The following COLEC12 variants were observed in gnomAD, a reference collection of about 807,000 sequenced individuals.
COLEC12 encodes the protein collectin-12.
COLEC12 carries 33 observed loss-of-function variants against 71.1 expected under a neutral mutation model. The ratio of observed to expected loss-of-function variants is 0.46; its 90% CI spans 0.35 to 0.62. The LOEUF is 0.62. Ranked by LOEUF, COLEC12 falls within the 20% of genes least tolerant of loss-of-function variation. COLEC12 has a pLI of 0.00. For missense variants in COLEC12, 765 were observed against 916.1 expected (o/e 0.84, Z 2.13); for synonymous variants, 350 against 353.0 (o/e 0.99, Z 0.10).
intron 2 of COLEC12, 106 bp from the exon 3 acceptor site, chr18:357,628 A>G: frequency 2.3e-6 from 2 of 855,322 alleles, no homozygotes; most frequent in Non-Finnish European, 3.6e-6. Flanking sequence ...ATTTTTACAA[A>G]TGCCTTACTA....
Position 488,881 on chromosome 18 carries a change from G to A in COLEC12, c.8-8124C>T, listed in dbSNP as rs200446865. Reference sequence around the variant, plus strand: ...GAGCAAGACTCTGTTTCAAAAAAAAGAAAAAAAAAAGAAAAGAAAATCAAT... The same window carrying A: ...GAGCAAGACTCTGTTTCAAAAAAAAAAAAAAAAAAAGAAAAGAAAATCAAT... On this transcript the variant is annotated intron_variant, in intron 1 of 9. Transcript: ENST00000400256. Among the ~76,000 whole-genome samples the A allele has an allele frequency of 9.4e-4, 134 of 142,176 alleles. 2 individuals carry two copies. Among genetic ancestry groups the A allele is most frequent in the African/African-American group, 3.2e-3 (122 of 38,476 alleles). The allele number at this position is 142,176 out of a possible 152,430, so 93.3% of individuals were successfully genotyped here.
intron 2 of COLEC12, among the ~76,000 whole-genome samples, chr18:403,868 T>A (rs1915734951): frequency 6.6e-6 from 1 of 152,236 alleles, no homozygotes; most frequent in African/African-American, 2.4e-5. Context: ...TTGCCATTTG[T>A]TCTCATACCT....
At chr18:465,311 C>A (rs1917063941) in intron 2 of COLEC12, among the ~76,000 whole-genome samples, 1 of 152,128 alleles carries the variant, frequency 6.6e-6, no homozygotes, top group South Asian at 2.1e-4. Context: ...CAATGTTGGC[C>A]AGGCTGGTCT....
At chr18:496,290 T>C (rs1418576922) in intron 1 of COLEC12, among the ~76,000 whole-genome samples, 1 of 152,152 alleles carries the variant, frequency 6.6e-6, no homozygotes, top group African/African-American at 2.4e-5. Flanking sequence ...GTTGGAGCCA[T>C]TGGAACAACC....
chr18:465,384 G>A (rs1030428471), intron 2 of COLEC12, among the ~76,000 whole-genome samples: 7 of 152,188 alleles, frequency 4.6e-5, no homozygotes, highest in African/African-American at 1.7e-4. Flanking sequence ...TTACAGGCAT[G>A]AGCCACTGCA....
chr18:409,820 C>T (rs1037959245), intron 2 of COLEC12, among the ~76,000 whole-genome samples: 1 of 152,180 alleles, frequency 6.6e-6, no homozygotes. Flanking sequence ...GTTTCACCTA[C>T]CTGAAAACTG....
At chr18:426,365 A>G (rs1940429) in intron 2 of COLEC12, among the ~76,000 whole-genome samples, 138,029 of 152,176 alleles carry the variant, frequency 0.91, 63,050 homozygotes, top group East Asian at 1. Context: ...AGGTCTCTGC[A>G]TGTTTTGGGG....
At chr18:449,866 T>G (rs1296973226) in intron 2 of COLEC12, among the ~76,000 whole-genome samples, 1 of 152,212 alleles carries the variant, frequency 6.6e-6, no homozygotes, top group Non-Finnish European at 1.5e-5. Context: ...CATATCCAAC[T>G]CTCCTTTTTA....
Position 366,709 on chromosome 18 carries a change from C to T in COLEC12, c.59-9187G>A, listed in dbSNP as rs946948684. On this transcript the variant is annotated intron_variant, in intron 2 of 9. Transcript: ENST00000400256. Reference sequence around the variant, plus strand: ...GCAGTGGGAAGTGGGCCCTCGCTTCCAGGAGCAATCTCCCTGCCCCCAAAT... The same window carrying T: ...GCAGTGGGAAGTGGGCCCTCGCTTCTAGGAGCAATCTCCCTGCCCCCAAAT... Among the ~76,000 whole-genome samples the T allele has an allele frequency of 2.0e-5, 3 of 152,322 alleles. No homozygotes were observed. In the East Asian group the frequency reaches 5.8e-4, roughly 29 times the overall value.
intron 2 of COLEC12, among the ~76,000 whole-genome samples, chr18:474,189 C>T (rs1917258962): frequency 6.6e-6 from 1 of 152,188 alleles, no homozygotes; most frequent in Non-Finnish European, 1.5e-5. Context: ...ACACTGAGGC[C>T]TGAAATCAGG....
chr18:393,515 C>T (rs894235045), intron 2 of COLEC12, among the ~76,000 whole-genome samples: 1 of 152,104 alleles, frequency 6.6e-6, no homozygotes, highest in Non-Finnish European at 1.5e-5. Flanking sequence ...ATAAACAAGC[C>T]ACTCTCTACC....
At chr18:426,372 G>T (rs4798167) in intron 2 of COLEC12, among the ~76,000 whole-genome samples, 1 of 152,020 alleles carries the variant, frequency 6.6e-6, no homozygotes, top group African/African-American at 2.4e-5. Context: ...TGCATGTTTT[G>T]GGGTCTGCGA....
chr18:357,536 C>A lies in COLEC12; in HGVS notation c.59-14G>T. 6.6e-7 allele frequency: 1 copy of A among 1,509,066 alleles called. No individual in the cohort carries two copies. Among genetic ancestry groups the A allele is most frequent in the Non-Finnish European group, 8.9e-7 (1 of 1,125,212 alleles). 93.5% of individuals were successfully genotyped at this position (1,509,066 alleles called of 1,614,324 possible). A position where few individuals can be genotyped will look rare whatever the true frequency, so the allele number is the denominator to read the frequency against. On this transcript the variant is annotated splice_polypyrimidine_tract_variant and intron_variant, in intron 2 of 9. Coordinates refer to ENST00000400256, the MANE Select transcript of COLEC12 (RefSeq NM_130386.3). Reference sequence around the variant, plus strand: ...CTTCCTGAATACCTGTAAGAGAAGTCAAATTTTAATAACAGTAAGCAAAGA... The same window carrying A: ...CTTCCTGAATACCTGTAAGAGAAGTAAAATTTTAATAACAGTAAGCAAAGA...
chr18:368,658 A>C (rs565589536), intron 2 of COLEC12, among the ~76,000 whole-genome samples: 1 of 151,838 alleles, frequency 6.6e-6, no homozygotes, highest in South Asian at 2.1e-4. Flanking sequence ...AGGTCAGGAG[A>C]TCGAGACCAG....
At chr18:428,204 C>T (rs1447827255) in intron 2 of COLEC12, among the ~76,000 whole-genome samples, 1 of 151,204 alleles carries the variant, frequency 6.6e-6, no homozygotes, top group African/African-American at 2.4e-5. Flanking sequence ...GTGGAGGTTG[C>T]GTGAGCTGAG....
At chr18:414,301 A>G (rs1915947040) in intron 2 of COLEC12, among the ~76,000 whole-genome samples, 1 of 152,176 alleles carries the variant, frequency 6.6e-6, no homozygotes, top group Non-Finnish European at 1.5e-5. Flanking sequence ...AACAAAAACC[A>G]AACTTGGGTC....
At chr18:335,314 A>C in intron 5 of COLEC12, 84 bp from the exon 6 acceptor site, 2 of 1,433,890 alleles carry the variant, frequency 1.4e-6, no homozygotes, top group Non-Finnish European at 1.9e-6. Flanking sequence ...TAAAATCTCC[A>C]AATTAAAAAA....
chr18:483,631 C>T (rs545296100), intron 1 of COLEC12, among the ~76,000 whole-genome samples: 16 of 152,256 alleles, frequency 1.1e-4, no homozygotes, highest in African/African-American at 3.6e-4. Context: ...AAGAGAACAG[C>T]ATCTTTTTCT....
At chr18:465,682 T>A (rs1394875569) in intron 2 of COLEC12, among the ~76,000 whole-genome samples, 3 of 152,182 alleles carry the variant, frequency 2.0e-5, no homozygotes, top group Non-Finnish European at 4.4e-5. Context: ...AAAAGAGGCC[T>A]ATTATCTTAA....
Sources: allele counts gnomAD v4.1 joint callset (sites outside exome capture counted in the v4.1 genomes callset), GRCh38; gene constraint gnomAD v4.1.1; transcripts MANE v1.5; gene names NCBI Gene and HGNC (gene_info 2026-07-23, HGNC 2026-07-21).